The following NOP14 variants were observed in gnomAD, a reference collection of about 807,000 sequenced individuals.
NOP14 encodes nucleolar protein 14.
A neutral mutation model predicts 101.6 loss-of-function variants in NOP14; 57 were observed. The observed-to-expected ratio is 0.56, with a 90% CI of 0.45 to 0.70. The LOEUF (loss-of-function observed/expected upper bound fraction) is 0.70. NOP14 is among the 30% of genes least tolerant of loss of function. NOP14 has a pLI of 0.00. For synonymous variants in NOP14, 428 were observed against 424.0 expected (o/e 1.01, Z -0.12); for missense variants, 1,134 against 1,075.5 (o/e 1.05, Z -0.76).
chr4:2,956,316 G>C (rs1034020945), intron 3 of NOP14, among the ~76,000 whole-genome samples: 4 of 152,206 alleles, frequency 2.6e-5, no homozygotes, highest in African/African-American at 7.2e-5. Context: ...CCTGGAGTCA[G>C]TGAGGTGGGT....
At chr4:2,946,580 T>G (rs890266581) in intron 10 of NOP14, 33 bp from the exon 11 acceptor site, 1 of 1,610,178 alleles carries the variant, frequency 6.2e-7, no homozygotes, top group African/African-American at 1.3e-5. Context: ...CAGGAGAGAA[T>G]GACTTTAGAT....
intron 14 of NOP14, 43 bp downstream of exon 14, chr4:2,942,149 A>C: frequency 1.9e-6 from 3 of 1,574,602 alleles, no homozygotes; most frequent in Non-Finnish European, 2.6e-6. Context: ...GCCTCTGGGG[A>C]CGCTGTAGGG....
chr4:2,946,049 T>G (rs1266260387), intron 11 of NOP14, among the ~76,000 whole-genome samples: 1 of 46,624 alleles, frequency 2.1e-5, no homozygotes, highest in Admixed American at 2.3e-4. Flanking sequence ...GCACTCTCAC[T>G]CCAGATCACC....
At chr4:2,951,564 C>G (rs1033532725) in intron 6 of NOP14, among the ~76,000 whole-genome samples, 2 of 152,164 alleles carry the variant, frequency 1.3e-5, no homozygotes, top group Non-Finnish European at 2.9e-5. Flanking sequence ...CCCCCTGCAC[C>G]GAGAGAATAG....
intron 4 of NOP14, among the ~76,000 whole-genome samples, chr4:2,954,177 C>T (rs750499241): frequency 6.6e-6 from 1 of 152,014 alleles, no homozygotes; most frequent in African/African-American, 2.4e-5. Context: ...TACTCCAGCC[C>T]GGGAAACAGA....
chr4:2,957,654 G>A lies in NOP14; in HGVS notation c.282C>T (p.Asn94=), dbSNP rs1283874574. Residue 94 remains asparagine, a synonymous_variant, in exon 2 of 18, where the codon AAC becomes AAT. Transcript: ENST00000416614. ...TCATCATCTTCTCCTCGGGGCTCAT[G>A]TTGCTGTTGTATTCTCCGAAGCGTT... ...RDKRFGEYNS[N]MSPEEKMMKR... The A allele has an allele frequency of 3.1e-6, 5 of 1,614,190 alleles. No homozygotes were observed. Among genetic ancestry groups the A allele is most frequent in the Non-Finnish European group, 4.2e-6 (5 of 1,180,030 alleles).
intron 2 of NOP14, 68 bp downstream of exon 2, chr4:2,957,538 C>G: frequency 1.3e-6 from 2 of 1,574,266 alleles, no homozygotes; most frequent in East Asian, 2.2e-5. Flanking sequence ...GCAGAGTCAG[C>G]CTTCTCCTTG....
intron 1 of NOP14, among the ~76,000 whole-genome samples, chr4:2,958,060 G>C (rs1014062335): frequency 2.0e-5 from 3 of 152,134 alleles, no homozygotes; most frequent in African/African-American, 7.2e-5. Context: ...CTGCCTTAAG[G>C]TTTAAAACGT....
intron 1 of NOP14, among the ~76,000 whole-genome samples, chr4:2,961,033 T>C (rs1267767943): frequency 5.7e-5 from 6 of 106,172 alleles, no homozygotes; most frequent in African/African-American, 2.0e-4. Flanking sequence ...ATTAATATTA[T>C]ATCAATATTA....
At chr4:2,956,525 T>G (rs1260106421) in intron 3 of NOP14, 145 bp downstream of exon 3, 10 of 771,668 alleles carry the variant, frequency 1.3e-5, no homozygotes, top group Non-Finnish European at 1.9e-5. Flanking sequence ...AACTGTCACT[T>G]GTGAAATTTG....
intron 1 of NOP14, 122 bp downstream of exon 1, chr4:2,963,003 T>C (rs1458036045): frequency 3.1e-6 from 3 of 980,028 alleles, no homozygotes; most frequent in Non-Finnish European, 4.3e-6. Context: ...GTCAGTGCCG[T>C]GTGCCTGTCA....
rs776178707 is a variant in NOP14 at position 2,954,488 on chromosome 4, C to A, written c.548G>T (p.Arg183Leu). 1.2e-6 allele frequency: 2 copies of A among 1,614,134 alleles called. No individual in the cohort carries two copies. Among genetic ancestry groups the A allele is most frequent in the South Asian group, 1.1e-5 (1 of 91,084 alleles). Residue 183 changes from arginine to leucine, a missense_variant, in exon 4 of 18, where the codon CGG becomes CTG. Arg to Leu is a moderately radical substitution (Grantham distance 102). Coordinates refer to ENST00000416614, the MANE Select transcript of NOP14 (RefSeq NM_001291978.2). ...CTCTTTCCGGGACTTCGGTTTCTCC[C>A]GCTCCTCGCCTTCCTGTTGAGTCTT... is the stretch of plus-strand genomic sequence containing the variant. ...HKKTQQEGEE[R>L]EKPKSRKELI...
chr4:2,944,322 G>T, intron 12 of NOP14, 96 bp from the exon 13 acceptor site: 1 of 1,121,150 alleles, frequency 8.9e-7, no homozygotes, highest in Non-Finnish European at 1.3e-6. Context: ...GCACCCCACT[G>T]AGCTTCACAA....
intron 14 of NOP14, 83 bp downstream of exon 14, chr4:2,942,109 G>T: frequency 7.1e-7 from 1 of 1,413,972 alleles, no homozygotes; most frequent in Non-Finnish European, 9.7e-7. Context: ...ACTAAGAACA[G>T]CACATCAGAA....
In NOP14 at chr4:2,960,737, A is replaced by G. The variant is rs1423093664; in HGVS notation, c.195+2388T>C. Among the ~76,000 whole-genome samples, 49 of 133,202 alleles carry G rather than the reference A, an allele frequency of 3.7e-4. 1 individual carries two copies. The highest frequency in any genetic ancestry group is 3.9e-3 in the Middle Eastern group (1 of 254). The allele number at this position is 133,202 out of a possible 152,430, so 87.4% of individuals were successfully genotyped here. A position where few individuals can be genotyped will look rare whatever the true frequency, so the allele number is the denominator to read the frequency against. ...TTAATATTATAATCACATTAATATTAATATATTAATATTATAATCACATTA... is the reference window on the plus strand; with the variant it reads ...TTAATATTATAATCACATTAATATTGATATATTAATATTATAATCACATTA... On this transcript the variant is annotated intron_variant, in intron 1 of 17. Coordinates refer to ENST00000416614, the MANE Select transcript of NOP14 (RefSeq NM_001291978.2).
intron 1 of NOP14, among the ~76,000 whole-genome samples, chr4:2,962,533 T>TA (rs1384217773): frequency 2.0e-5 from 3 of 152,020 alleles, no homozygotes; most frequent in Non-Finnish European, 4.4e-5. Context: ...GCAAGAAGGC[T>TA]TTGTAGATAT....
Position 2,952,154 on chromosome 4 carries a change from T to C in NOP14, c.870+121A>G. On this transcript the variant is annotated intron_variant, in intron 6 of 17. Coordinates refer to ENST00000416614, the MANE Select transcript of NOP14 (RefSeq NM_001291978.2). ...TTCATGAATAAATATAAACTTTAAATAGACTAAAATATTCCACTGATCAAA... is the reference window on the plus strand; with the variant it reads ...TTCATGAATAAATATAAACTTTAAACAGACTAAAATATTCCACTGATCAAA... The C allele has an allele frequency of 3.2e-6, 3 of 946,760 alleles. No individual in the cohort carries two copies. In the South Asian group the frequency reaches 6.6e-5, roughly 21 times the overall value. The allele number at this position is 946,760 out of a possible 1,614,324, so 58.6% of individuals were successfully genotyped here. A position where few individuals can be genotyped will look rare whatever the true frequency, so the allele number is the denominator to read the frequency against.
intron 10 of NOP14, 68 bp downstream of exon 10, chr4:2,947,458 G>T: frequency 9.3e-7 from 1 of 1,075,134 alleles, no homozygotes; most frequent in Non-Finnish European, 1.4e-6. Flanking sequence ...GTATTTTTAT[G>T]ACTCTAAATG....
chr4:2,956,272 G>A (rs963134660), intron 3 of NOP14, among the ~76,000 whole-genome samples: 1 of 152,198 alleles, frequency 6.6e-6, no homozygotes, highest in African/African-American at 2.4e-5. Flanking sequence ...AATTGATAAA[G>A]TAGGGGGAGC....
Sources: allele counts gnomAD v4.1 joint callset (sites outside exome capture counted in the v4.1 genomes callset), GRCh38; gene constraint gnomAD v4.1.1; transcripts MANE v1.5; gene names NCBI Gene and HGNC (gene_info 2026-07-23, HGNC 2026-07-21).